The following CLDN14 variants were observed in gnomAD, a reference collection of about 807,000 sequenced individuals.
CLDN14 encodes claudin 14, also known as claudin-14.
Under a neutral mutation model 2.1 loss-of-function variants are expected in CLDN14, and 2 were observed. The observed-to-expected ratio is 0.96, with a 90% confidence interval of 0.39 to 3.01. CLDN14 has a LOEUF of 3.01. Among genes scored for constraint, CLDN14 ranks in the 30% most tolerant of loss-of-function variants. The probability of loss-of-function intolerance (pLI) is 0.09; values close to 1 mark genes in which losing one functional copy is unlikely to be tolerated. For synonymous variants in CLDN14, 136 were observed against 154.4 expected (o/e 0.88, Z 0.88); for missense variants, 298 against 328.0 (o/e 0.91, Z 0.71).
At chr21:36,490,949 G>GACACACACACACAC (rs3030068) in intron 2 of CLDN14, among the ~76,000 whole-genome samples, 8 of 148,756 alleles carry the variant, frequency 5.4e-5, no homozygotes, top group African/African-American at 2.0e-4. Flanking sequence ...CAAGTGCACA[G>GACACACACACACAC]ACACACACAC....
intron 1 of CLDN14, among the ~76,000 whole-genome samples, chr21:36,547,433 T>C (rs1161021800): frequency 6.6e-6 from 1 of 152,162 alleles, no homozygotes; most frequent in Non-Finnish European, 1.5e-5. Context: ...AGAAAGCTTT[T>C]GAAATGGTTG....
intron 1 of CLDN14, among the ~76,000 whole-genome samples, chr21:36,560,753 G>A (rs1476828061): frequency 6.6e-6 from 1 of 152,182 alleles, no homozygotes; most frequent in African/African-American, 2.4e-5. Context: ...CAATTCAGAT[G>A]TGCAGAAAAT....
At chr21:36,479,162 A>T (rs1052713845) in intron 1 of CLDN14, among the ~76,000 whole-genome samples, 7 of 152,204 alleles carry the variant, frequency 4.6e-5, no homozygotes, top group Non-Finnish European at 8.8e-5. Context: ...CTGTGGCCTC[A>T]AAACACTGAA....
intron 1 of CLDN14, among the ~76,000 whole-genome samples, chr21:36,548,805 T>G (rs1407198197): frequency 2.0e-5 from 3 of 152,116 alleles, no homozygotes; most frequent in Non-Finnish European, 4.4e-5. Context: ...CTGGGGAGAA[T>G]GAGGAAGCCC....
chr21:36,493,534 A>G (rs753871623), intron 2 of CLDN14, among the ~76,000 whole-genome samples: 3 of 152,084 alleles, frequency 2.0e-5, no homozygotes, highest in Admixed American at 6.5e-5. Context: ...ATAATCCAGA[A>G]AACTCAGGAC....
In CLDN14 at chr21:36,506,276, G is replaced by A. The variant is rs541739828; in HGVS notation, c.-82+4087C>T. 7.9e-5 allele frequency among the ~76,000 whole-genome samples: 12 copies of A among 152,338 alleles called. No homozygotes were observed. In the South Asian group the frequency reaches 2.5e-3, roughly 32 times the overall value. On this transcript the variant is annotated intron_variant, in intron 2 of 2. Coordinates refer to the CLDN14 transcript ENST00000342108. The stretch of plus-strand genomic sequence containing the variant: ...AAGGAAGCAAGTTGAAGTGCAGTGT[G>A]TACAGCATGATCCTATTTGTGTAAA...
upstream of CLDN14, among the ~76,000 whole-genome samples, chr21:36,484,102 G>A (rs761711199): frequency 2.0e-5 from 3 of 152,134 alleles, no homozygotes; most frequent in Admixed American, 6.5e-5. Context: ...GCTCAGACAC[G>A]GTCTGGATTT....
intron 1 of CLDN14, among the ~76,000 whole-genome samples, chr21:36,467,015 C>T (rs1022418741): frequency 2.0e-5 from 3 of 152,138 alleles, no homozygotes; most frequent in Non-Finnish European, 4.4e-5. Flanking sequence ...GAGAGAGTAT[C>T]AGAAAACGAC....
intron 2 of CLDN14, among the ~76,000 whole-genome samples, chr21:36,506,157 C>T (rs79785004): frequency 3.6e-3 from 550 of 152,304 alleles, no homozygotes; most frequent in Non-Finnish European, 6.0e-3. Context: ...TACATAACTA[C>T]GGTACATCCA....
At chr21:36,547,492 T>TG (rs1355522867) in intron 1 of CLDN14, among the ~76,000 whole-genome samples, 1 of 152,228 alleles carries the variant, frequency 6.6e-6, no homozygotes, top group African/African-American at 2.4e-5. Context: ...CAGAGTACTG[T>TG]GAGCCTGTCA....
intron 1 of CLDN14, among the ~76,000 whole-genome samples, chr21:36,471,758 T>C (rs991457915): frequency 3.9e-5 from 6 of 152,216 alleles, no homozygotes; most frequent in African/African-American, 1.2e-4. Flanking sequence ...CCTTCATGAA[T>C]TAGACAACTA....
chr21:36,507,969 CATAA>C (rs988000567), intron 2 of CLDN14, among the ~76,000 whole-genome samples: 2 of 152,170 alleles, frequency 1.3e-5, no homozygotes, highest in Non-Finnish European at 2.9e-5. Context: ...CATATATACA[CATAA>C]ATAAAAATAT....
intron 1 of CLDN14, among the ~76,000 whole-genome samples, chr21:36,475,428 G>C (rs2086765482): frequency 2.0e-5 from 3 of 152,176 alleles, no homozygotes; most frequent in African/African-American, 7.2e-5. Context: ...AAAAAGATCC[G>C]GATGCCCTGG....
At chr21:36,533,620 G>A (rs1281354242) in intron 1 of CLDN14, among the ~76,000 whole-genome samples, 1 of 152,136 alleles carries the variant, frequency 6.6e-6, no homozygotes, top group Non-Finnish European at 1.5e-5. Flanking sequence ...ACGTCACCAT[G>A]GTAATAAATT....
At chr21:36,500,113 C>T (rs1159374758) in intron 2 of CLDN14, among the ~76,000 whole-genome samples, 1 of 152,158 alleles carries the variant, frequency 6.6e-6, no homozygotes, top group Non-Finnish European at 1.5e-5. Context: ...GCAAAGTTCC[C>T]CCTTTTTGGT....
At position 36,461,469 on chromosome 21, in the gene CLDN14, T is replaced by C. The variant is rs1218388715; in HGVS notation, c.227A>G (p.Asp76Gly). 2 of 1,612,974 alleles carry C rather than the reference T, an allele frequency of 1.2e-6. No individual in the cohort carries two copies. The highest frequency in any genetic ancestry group is 2.7e-5 in the African/African-American group (2 of 74,810). ...CATGAGGGCGCGGGCAGCCTGGAGGTCTTGGGGCAGCGCCAGCAGGGATCG... is the reference window on the plus strand; with the variant it reads ...CATGAGGGCGCGGGCAGCCTGGAGGCCTTGGGGCAGCGCCAGCAGGGATCG... ...IYRSLLALPQ[D>G]LQAARALMVI... is the part of the protein sequence containing the mutation. Residue 76 changes from aspartate (D) to glycine (G), a missense_variant, in exon 2 of 2, where the codon GAC becomes GGC. Coordinates refer to ENST00000399135, the MANE Select transcript of CLDN14 (RefSeq NM_001146079.2).
chr21:36,485,737 C>G (rs1361188868), intron 2 of CLDN14: 1 of 264,768 alleles, frequency 3.8e-6, no homozygotes, highest in Non-Finnish European at 7.1e-6. Flanking sequence ...ACAGTAAAGG[C>G]AAACCAAGTC....
chr21:36,487,101 C>T (rs1450634458), intron 2 of CLDN14: 1 of 212,590 alleles, frequency 4.7e-6, no homozygotes, highest in Non-Finnish European at 9.3e-6. Flanking sequence ...TCTCCTGTCT[C>T]AGCCTCCCAA....
At chr21:36,491,810 C>G (rs1601608068) in intron 2 of CLDN14, among the ~76,000 whole-genome samples, 1 of 152,072 alleles carries the variant, frequency 6.6e-6, no homozygotes, top group Non-Finnish European at 1.5e-5. Flanking sequence ...GTTGGGAGGA[C>G]AGGTGCATGT....
Sources: gnomAD v4.1 joint callset for allele counts (sites outside exome capture counted in the v4.1 genomes callset) on GRCh38, gnomAD v4.1.1 for gene constraint, MANE v1.5 for transcripts, NCBI Gene and HGNC (gene_info 2026-07-23, HGNC 2026-07-21) for gene names.